PDS5A: variants seen among roughly 807,000 people sequenced by gnomAD.
The protein encoded by PDS5A is sister chromatid cohesion protein PDS5 homolog A.
A neutral mutation model predicts 167.1 loss-of-function variants in PDS5A; 42 were observed. The observed-to-expected ratio is 0.25, with a 90% CI of 0.20 to 0.33. The LOEUF is 0.33. PDS5A is among the 10% of genes least tolerant of loss of function. The pLI is 1.00. For missense variants in PDS5A, 1,033 were observed against 1,605.9 expected, an observed-to-expected ratio of 0.64 and a Z score of 6.10; for synonymous variants, 553 against 554.6, an observed-to-expected ratio of 1.00 and a Z score of 0.04.
intron 2 of PDS5A, among the ~76,000 whole-genome samples, chr4:39,940,193 T>C (rs1727093317): frequency 6.6e-6 from 1 of 151,814 alleles, no homozygotes; most frequent in Non-Finnish European, 1.5e-5. Context: ...CACTCCAGCC[T>C]GGATGACAGA....
At position 39,898,807 on chromosome 4, in the gene PDS5A, C is replaced by T. The variant is rs1722635955; in HGVS notation, c.1600G>A (p.Ala534Thr). 3 of 1,591,540 alleles carry T rather than the reference C, an allele frequency of 1.9e-6. No homozygotes were observed. The highest frequency in any genetic ancestry group is 2.6e-6 in the Non-Finnish European group (3 of 1,166,336). ...KQPTSEANCSAMFGKLMTIAK... is the reference protein window; with the variant it reads ...KQPTSEANCSTMFGKLMTIAK... ...ATGGTCATCAGTTTTCCAAACATGG[C>T]AGAACAGTTAGCCTCTGACTGAAAT... Residue 534 changes from alanine to threonine, a missense_variant, in exon 15 of 33, where the codon GCC becomes ACC. Ala to Thr is a moderately conservative substitution (Grantham distance 58). Coordinates refer to ENST00000303538, the MANE Select transcript of PDS5A (RefSeq NM_001100399.2).
chr4:39,881,868 G>A (rs952377667), intron 17 of PDS5A, among the ~76,000 whole-genome samples: 1 of 152,166 alleles, frequency 6.6e-6, no homozygotes, highest in African/African-American at 2.4e-5. Flanking sequence ...GGCGGGGCCA[G>A]GTAGATAACT....
chr4:39,909,376 G>A (rs1038056400), intron 10 of PDS5A, among the ~76,000 whole-genome samples: 5 of 151,980 alleles, frequency 3.3e-5, no homozygotes, highest in African/African-American at 1.2e-4. Context: ...GCACTGCCTT[G>A]GCCTCCCAAT....
rs1278333361 is a variant in PDS5A at position 39,902,417 on chromosome 4, T to A, written c.1429A>T (p.Asn477Tyr). The part of the protein sequence containing the change: ...KIFAQYLVPH[N>Y]LETEERMKCL... ...TTCATTCTCTCTTCTGTTTCCAGGTTGTGGGGGACAAGATACTGAGCAAAG... is the reference window on the plus strand; with the variant it reads ...TTCATTCTCTCTTCTGTTTCCAGGTAGTGGGGGACAAGATACTGAGCAAAG... Residue 477 changes from asparagine (N) to tyrosine (Y), a missense_variant, in exon 13 of 33, where the codon AAC becomes TAC. By Grantham distance (143) the Asn-to-Tyr change is moderately radical (BLOSUM62 -2). Coordinates refer to ENST00000303538, the MANE Select transcript of PDS5A (RefSeq NM_001100399.2). The A allele has an allele frequency of 1.3e-6, 2 of 1,595,900 alleles. No homozygotes were observed. Among genetic ancestry groups the A allele is most frequent in the Non-Finnish European group, 1.7e-6 (2 of 1,167,282 alleles).
intron 2 of PDS5A, among the ~76,000 whole-genome samples, chr4:39,958,189 G>A (rs1162428886): frequency 6.6e-6 from 1 of 152,040 alleles, no homozygotes; most frequent in African/African-American, 2.4e-5. Context: ...ACCACGCCCA[G>A]CCAGGCATTA....
At chr4:39,930,215 C>CAATAAAAAAAA (rs1725889754) in intron 2 of PDS5A, among the ~76,000 whole-genome samples, 1 of 35,090 alleles carries the variant, frequency 2.8e-5, no homozygotes, top group Non-Finnish European at 4.7e-5. Flanking sequence ...GACTCCATCT[C>CAATAAAAAAAA]AAAAAAAAAA....
Position 39,845,841 on chromosome 4 carries a change from T to C in PDS5A, c.3379A>G (p.Arg1127Gly). The C allele has an allele frequency of 1.4e-6, 2 of 1,403,538 alleles. No individual in the cohort carries two copies. Among genetic ancestry groups the C allele is most frequent in the Non-Finnish European group, 1.9e-6 (2 of 1,072,026 alleles). 86.9% of individuals were successfully genotyped at this position (1,403,538 alleles called of 1,614,324 possible). The change falls in exon 29 of 33, where the codon AGA becomes GGA. Residue 1127 changes from arginine to glycine, a missense_variant. This residue lies in a region of PDS5A where 233 missense variants were observed against 264.0 expected (regional missense o/e 0.88). Coordinates refer to ENST00000303538, the MANE Select transcript of PDS5A (RefSeq NM_001100399.2). ...ACCTTTCCTGTTAACAGAAGTACTC[T>C]TGTCTCTTCTGAAATATAACTCTTA... ...NDKSYISEETRVLLLTGKPKP... is the reference protein window; with the variant it reads ...NDKSYISEETGVLLLTGKPKP...
chr4:39,890,179 G>T, intron 17 of PDS5A, 70 bp downstream of exon 17: 1 of 848,126 alleles, frequency 1.2e-6, no homozygotes, highest in South Asian at 1.6e-5. Flanking sequence ...TAGGAGCCCA[G>T]AATTTAAATT....
intron 31 of PDS5A, among the ~76,000 whole-genome samples, chr4:39,840,042 T>C (rs1716836636): frequency 6.6e-6 from 1 of 151,568 alleles, no homozygotes; most frequent in African/African-American, 2.4e-5. Flanking sequence ...TGCAGTGAGC[T>C]GAGATTGTGC....
rs377587690 is a variant in PDS5A, at chr4:39,904,029, A to G, written c.1385+11T>C. 4.0e-5 allele frequency: 62 copies of G among 1,563,546 alleles called. No individual in the cohort carries two copies. Among genetic ancestry groups the G allele is most frequent in the Non-Finnish European group, 5.3e-5 (61 of 1,151,758 alleles). On this transcript the variant is annotated intron_variant, in intron 12 of 32. Transcript: ENST00000303538. ...TTACACTCAACCATTCTACCAACAT[A>G]TTAAACTCACTTGTCGTCAATGCTG...
intron 9 of PDS5A, among the ~76,000 whole-genome samples, chr4:39,911,115 C>T (rs1723846257): frequency 6.6e-6 from 1 of 152,116 alleles, no homozygotes; most frequent in Middle Eastern, 3.2e-3. Context: ...ACCTGGGTAA[C>T]AGACCCTGTC....
rs1723785883 is a variant in PDS5A at position 39,910,402 on chromosome 4, T to C, written c.993-64A>G. The C allele has an allele frequency of 3.7e-6, 3 of 805,912 alleles. No homozygotes were observed. In the East Asian group the frequency reaches 7.9e-5, roughly 21 times the overall value. 49.9% of individuals were successfully genotyped at this position (805,912 alleles called of 1,614,324 possible). On this transcript the variant is annotated intron_variant, in intron 9 of 32. Coordinates refer to ENST00000303538, the MANE Select transcript of PDS5A (RefSeq NM_001100399.2). ...AAAATAATCACTCTCAAATCAGGTATATCTAACATGAAAATACTTATACGC... is the reference window on the plus strand; with the variant it reads ...AAAATAATCACTCTCAAATCAGGTACATCTAACATGAAAATACTTATACGC...
chr4:39,923,610 TG>T (rs1312624198), intron 5 of PDS5A, among the ~76,000 whole-genome samples: 1 of 138,630 alleles, frequency 7.2e-6, no homozygotes, highest in African/African-American at 2.6e-5. Flanking sequence ...CACTCCAGCC[TG>T]GGGGACAGAC....
chr4:39,950,961 T>A (rs1396782610), intron 2 of PDS5A, among the ~76,000 whole-genome samples: 1 of 152,000 alleles, frequency 6.6e-6, no homozygotes, highest in Non-Finnish European at 1.5e-5. Context: ...TGGAATACAG[T>A]GGCACAATCA....
intron 17 of PDS5A, among the ~76,000 whole-genome samples, chr4:39,889,656 T>G (rs774788299): frequency 1.3e-5 from 2 of 152,250 alleles, no homozygotes; most frequent in East Asian, 1.9e-4. Flanking sequence ...TCAATAGCTC[T>G]TAACTAATGT....
chr4:39,876,305 C>T lies in PDS5A; in HGVS notation c.2153+688G>A, dbSNP rs201212081. 5.3e-5 allele frequency among the ~76,000 whole-genome samples: 8 copies of T among 152,038 alleles called. No individual in the cohort carries two copies. In the East Asian group the frequency reaches 9.6e-4, roughly 18 times the overall value. On this transcript the variant is annotated intron_variant, in intron 19 of 32. Coordinates refer to ENST00000303538, the MANE Select transcript of PDS5A (RefSeq NM_001100399.2). The stretch of plus-strand genomic sequence containing the variant: ...CTTTTTATTATTAGCCAGAACAATG[C>T]GGAGAATGAAGAGAATGTACAATGG...
intron 11 of PDS5A, among the ~76,000 whole-genome samples, chr4:39,906,917 T>TAAAATAAAA (rs1320189136): frequency 5.6e-5 from 3 of 54,032 alleles, no homozygotes; most frequent in African/African-American, 1.2e-4. Flanking sequence ...ATTTCTTACA[T>TAAAATAAAA]AAAAAAAAAA....
intron 26 of PDS5A, among the ~76,000 whole-genome samples, chr4:39,854,145 A>G (rs976169702): frequency 6.6e-6 from 1 of 152,116 alleles, no homozygotes; most frequent in Non-Finnish European, 1.5e-5. Flanking sequence ...CTTAAAAAAA[A>G]TACAAAAATT....
rs866156927 is a variant in PDS5A, at chr4:39,823,981, G to A, written c.*1504C>T. On this transcript the variant is annotated 3_prime_UTR_variant, in exon 33 of 33. Transcript: ENST00000303538. ...CATGTACACTACAGCCTATCAAGAC[G>A]AAGTTATAACACAAATGTTGTTTCC... 4 of 152,240 alleles carry A rather than the reference G, an allele frequency of 2.6e-5. No homozygotes were observed. Among genetic ancestry groups the A allele is most frequent in the South Asian group, 2.1e-4 (1 of 4,816 alleles). The allele number at this position is 152,240 out of a possible 1,614,324, so 9.4% of individuals were successfully genotyped here.
Sources: allele counts gnomAD v4.1 joint callset (sites outside exome capture counted in the v4.1 genomes callset), GRCh38; gene constraint gnomAD v4.1.1; regional missense constraint gnomAD v4.1.1; transcripts MANE v1.5; gene names NCBI Gene and HGNC (gene_info 2026-07-23, HGNC 2026-07-21).